USP40: variants seen among roughly 807,000 people sequenced by gnomAD.
USP40 encodes ubiquitin carboxyl-terminal hydrolase 40.
A neutral mutation model predicts 166.2 loss-of-function variants in USP40; 143 were observed. That is an observed-to-expected ratio of 0.86 (90% confidence interval 0.75 to 0.99). USP40 has a LOEUF of 0.99. Among genes scored for constraint, USP40 ranks in the 50% least tolerant of loss-of-function variants. The pLI is 0.00. For synonymous variants in USP40, 498 were observed against 524.0 expected (o/e 0.95, Z 0.68); for missense variants, 1,444 against 1,479.7 (o/e 0.98, Z 0.40).
At chr2:233,510,388 C>CTTTTTTTT (rs2066724423) in intron 20 of USP40, among the ~76,000 whole-genome samples, 4 of 79,266 alleles carry the variant, frequency 5.0e-5, no homozygotes, top group South Asian at 3.8e-4. Context: ...ACTTCTTTTT[C>CTTTTTTTT]TTTCTTTTTT....
chr2:233,550,754 T>C (rs149065816), intron 7 of USP40, among the ~76,000 whole-genome samples: 53 of 152,314 alleles, frequency 3.5e-4, no homozygotes, highest in African/African-American at 1.2e-3. Flanking sequence ...ACAAAGTAGG[T>C]TGATTTTGTA....
chr2:233,520,968 AC>A, intron 17 of USP40, 22 bp downstream of exon 17: 1 of 1,592,378 alleles, frequency 6.3e-7, no homozygotes, highest in Non-Finnish European at 8.5e-7. Context: ...CTATCAGCCA[AC>A]CTTTAATTAT....
At chr2:233,536,791 T>C (rs2068967796) in intron 10 of USP40, among the ~76,000 whole-genome samples, 1 of 152,146 alleles carries the variant, frequency 6.6e-6, no homozygotes, top group Non-Finnish European at 1.5e-5. Flanking sequence ...AACATTAAAA[T>C]AAATAAACAA....
In USP40 at chr2:233,477,199, C is replaced by T. The variant is rs540670785; in HGVS notation, c.*193G>A. ...CGACATCCAGAGCTGCACCAGCCCCCGTGGCTGCCACGTGTTGCAGAGCTA... is the reference window on the plus strand; with the variant it reads ...CGACATCCAGAGCTGCACCAGCCCCTGTGGCTGCCACGTGTTGCAGAGCTA... On this transcript the variant is annotated 3_prime_UTR_variant, in exon 32 of 32. Coordinates refer to ENST00000678225, the MANE Select transcript of USP40 (RefSeq NM_001365479.2). The T allele has an allele frequency of 1.3e-3, 812 of 607,288 alleles. 1 individual carries two copies. Among genetic ancestry groups the T allele is most frequent in the Non-Finnish European group, 2.0e-3 (656 of 335,372 alleles). 37.6% of individuals were successfully genotyped at this position (607,288 alleles called of 1,614,324 possible). A position where few individuals can be genotyped will look rare whatever the true frequency, so the allele number is the denominator to read the frequency against.
intron 7 of USP40, 73 bp from the exon 8 acceptor site, chr2:233,549,302 T>A (rs962910285): frequency 2.2e-6 from 2 of 924,208 alleles, no homozygotes. Flanking sequence ...GAAAAAATAA[T>A]TTCAACTACT....
chr2:233,548,330 T>C (rs1021997194), intron 8 of USP40, among the ~76,000 whole-genome samples: 3 of 152,190 alleles, frequency 2.0e-5, no homozygotes, highest in Non-Finnish European at 4.4e-5. Flanking sequence ...AATCCTATTG[T>C]GAAAGCTACA....
intron 28 of USP40, chr2:233,487,892 G>C (rs1425040104): frequency 1.9e-6 from 1 of 526,958 alleles, no homozygotes; most frequent in Non-Finnish European, 3.8e-6. Flanking sequence ...TAAGGGGGCA[G>C]AGCGACGGGA....
At chr2:233,557,317 A>G (rs1384172227) in intron 4 of USP40, among the ~76,000 whole-genome samples, 8 of 152,254 alleles carry the variant, frequency 5.3e-5, no homozygotes, top group Non-Finnish European at 7.3e-5. Flanking sequence ...TGCCACAGAA[A>G]GCAGAGAGGG....
At chr2:233,477,743 G>A (rs552131386) in intron 31 of USP40, among the ~76,000 whole-genome samples, 10 of 152,336 alleles carry the variant, frequency 6.6e-5, no homozygotes, top group African/African-American at 1.9e-4. Flanking sequence ...CAGGCTCTGG[G>A]GCTTTCTCAA....
chr2:233,504,356 TA>T (rs970565936), intron 21 of USP40, among the ~76,000 whole-genome samples: 1 of 151,640 alleles, frequency 6.6e-6, no homozygotes, highest in African/African-American at 2.4e-5. Context: ...CTGAATGGGT[TA>T]AAAAAAAGAA....
rs191097076 is a variant in USP40, at chr2:233,559,145, G to A, written c.381+666C>T. 2.1e-4 allele frequency among the ~76,000 whole-genome samples: 32 copies of A among 152,306 alleles called. No homozygotes were observed. In the East Asian group the frequency reaches 3.3e-3, roughly 16 times the overall value. ...TAGCTATAACAGCTCATCAATATGT[G>A]CAACAAGCACCTTTACTCATTGCTG... On this transcript the variant is annotated intron_variant, in intron 4 of 31. Transcript: ENST00000678225.
At chr2:233,506,374 T>TA (rs2066417575) in intron 21 of USP40, among the ~76,000 whole-genome samples, 1 of 152,122 alleles carries the variant, frequency 6.6e-6, no homozygotes, top group African/African-American at 2.4e-5. Flanking sequence ...TGCTTAAATG[T>TA]AAAACCCAAA....
At chr2:233,555,723 C>A (rs955600465) in intron 5 of USP40, among the ~76,000 whole-genome samples, 1 of 150,934 alleles carries the variant, frequency 6.6e-6, no homozygotes, top group Non-Finnish European at 1.5e-5. Context: ...GCAACCTCCA[C>A]CTCCCGGGTT....
chr2:233,529,869 G>C (rs566407672), intron 11 of USP40, among the ~76,000 whole-genome samples: 2 of 138,472 alleles, frequency 1.4e-5, no homozygotes, highest in African/African-American at 5.5e-5. Context: ...GTGCAGTGGC[G>C]CAATCTTAGC....
At chr2:233,484,083 T>TC (rs2064793753) in intron 30 of USP40, among the ~76,000 whole-genome samples, 1 of 152,108 alleles carries the variant, frequency 6.6e-6, no homozygotes, top group South Asian at 2.1e-4. Flanking sequence ...AAGGACCCTG[T>TC]CCTTTTTCTT....
At chr2:233,553,869 T>C (rs1030121467) in intron 6 of USP40, among the ~76,000 whole-genome samples, 10 of 152,212 alleles carry the variant, frequency 6.6e-5, no homozygotes, top group African/African-American at 2.2e-4. Context: ...TTTGCTTGAC[T>C]GTACAGAAAG....
At chr2:233,489,147 C>T (rs969308762) in intron 27 of USP40, among the ~76,000 whole-genome samples, 2 of 152,136 alleles carry the variant, frequency 1.3e-5, no homozygotes, top group Non-Finnish European at 2.9e-5. Flanking sequence ...CACTGGAGCA[C>T]AGAAAAAATA....
Position 233,477,117 on chromosome 2 carries a change from G to A in USP40, c.*275C>T. On this transcript the variant is annotated 3_prime_UTR_variant, in exon 32 of 32. Transcript: ENST00000678225. ...TTTTCTGGTTAAAAGAAAAAAAAAG[G>A]CAGCTGGGGCCGGGTGCTGTGTGAG... The A allele has an allele frequency of 2.2e-6, 1 of 459,694 alleles. No homozygotes were observed. The highest frequency in any genetic ancestry group is 4.0e-6 in the Non-Finnish European group (1 of 247,862). The allele number at this position is 459,694 out of a possible 1,614,324, so 28.5% of individuals were successfully genotyped here. A position where few individuals can be genotyped will look rare whatever the true frequency, so the allele number is the denominator to read the frequency against.
rs375600870 is a variant in USP40 at position 233,477,453 on chromosome 2, G to C, written c.3650C>G (p.Thr1217Arg). 36 of 1,613,762 alleles carry C rather than the reference G, an allele frequency of 2.2e-5. No homozygotes were observed. In the Admixed American group the frequency reaches 2.5e-4, roughly 11 times the overall value. The change falls in exon 32 of 32, where the codon ACG (threonine) becomes AGG (arginine). Residue 1217 changes from threonine to arginine, a missense_variant. Transcript: ENST00000678225. ...QSSYILSSAE[T>R]PARPRAPETS... ...TTCCGGGGCTCGGGGCCGGGCAGGC[G>C]TCTCTGCACTGGAGAGGATGTAGCT...
Sources: gnomAD v4.1 joint callset for allele counts (sites outside exome capture counted in the v4.1 genomes callset) on GRCh38, gnomAD v4.1.1 for gene constraint, MANE v1.5 for transcripts, NCBI Gene and HGNC (gene_info 2026-07-23, HGNC 2026-07-21) for gene names.